The following SGCZ variants were observed in gnomAD, a reference collection of about 807,000 sequenced individuals.
The protein encoded by SGCZ is sarcoglycan zeta.
A neutral mutation model predicts 41.3 loss-of-function variants in SGCZ; 40 were observed. That is an observed-to-expected ratio of 0.97 (90% CI 0.75 to 1.26). SGCZ has a LOEUF of 1.26. Ranked by LOEUF, SGCZ falls within the 50% of genes most tolerant of loss-of-function variation. The pLI is 0.00. For missense variants in SGCZ, 552 were observed against 369.8 expected, an observed-to-expected ratio of 1.49 and a Z score of -4.04; for synonymous variants, 206 against 137.5, an observed-to-expected ratio of 1.50 and a Z score of -3.49.
intron 4 of SGCZ, among the ~76,000 whole-genome samples, chr8:14,186,799 G>C (rs534732064): frequency 6.6e-6 from 1 of 152,158 alleles, no homozygotes; most frequent in Non-Finnish European, 1.5e-5. Context: ...ATTAAAAGGA[G>C]ACCAAAACTT....
intron 7 of SGCZ, among the ~76,000 whole-genome samples, chr8:14,094,813 TTAA>T (rs1254694530): frequency 6.6e-6 from 1 of 152,158 alleles, no homozygotes; most frequent in Non-Finnish European, 1.5e-5. Context: ...TCCTGACTTT[TTAA>T]TGATCACCAT....
chr8:14,205,167 CTTTA>C (rs1805578877), intron 4 of SGCZ, among the ~76,000 whole-genome samples: 2 of 15,066 alleles, frequency 1.3e-4, no homozygotes, highest in African/African-American at 2.3e-4. Context: ...GTATCCTAGA[CTTTA>C]TTTTTTTTTT....
chr8:15,189,097 A>C (rs764056397), intron 1 of SGCZ, among the ~76,000 whole-genome samples: 6 of 152,186 alleles, frequency 3.9e-5, no homozygotes, highest in Non-Finnish European at 8.8e-5. Context: ...GAGATTCAGG[A>C]AGATGGCCAT....
intron 3 of SGCZ, among the ~76,000 whole-genome samples, chr8:14,318,914 G>A (rs1047827677): frequency 6.7e-6 from 1 of 150,336 alleles, no homozygotes; most frequent in Non-Finnish European, 1.5e-5. Flanking sequence ...GTAGACCAAA[G>A]GAAAATTCTG....
At chr8:14,523,053 G>A (rs1382365373) in intron 2 of SGCZ, among the ~76,000 whole-genome samples, 1 of 151,884 alleles carries the variant, frequency 6.6e-6, no homozygotes, top group East Asian at 1.9e-4. Flanking sequence ...TTATCAGTTT[G>A]AATGAAGTGT....
chr8:14,225,102 T>C (rs550134540), intron 4 of SGCZ, among the ~76,000 whole-genome samples: 1 of 152,286 alleles, frequency 6.6e-6, no homozygotes, highest in South Asian at 2.1e-4. Flanking sequence ...ATGGAGTATA[T>C]GTAGTTTGTA....
intron 7 of SGCZ, among the ~76,000 whole-genome samples, chr8:14,100,773 A>G (rs2116978061): frequency 6.6e-6 from 1 of 151,964 alleles, no homozygotes; most frequent in South Asian, 2.1e-4. Context: ...TGAGATAAAA[A>G]AGGAATATTC....
intron 4 of SGCZ, among the ~76,000 whole-genome samples, chr8:14,234,350 A>C (rs1806680865): frequency 6.6e-6 from 1 of 152,062 alleles, no homozygotes; most frequent in South Asian, 2.1e-4. Context: ...AGCTAGGCTT[A>C]CAGAGAAAGA....
At chr8:14,537,907 C>T (rs1295702078) in intron 2 of SGCZ, among the ~76,000 whole-genome samples, 8 of 151,632 alleles carry the variant, frequency 5.3e-5, no homozygotes, top group South Asian at 2.1e-4. Flanking sequence ...AGAAAGAGAC[C>T]CTCTATCTCC....
chr8:14,560,193 G>C (rs1314645307), intron 1 of SGCZ, among the ~76,000 whole-genome samples: 1 of 152,010 alleles, frequency 6.6e-6, no homozygotes, highest in African/African-American at 2.4e-5. Flanking sequence ...TTTCAAAAGA[G>C]CTAGGAGAGA....
chr8:14,317,596 A>T (rs1052183719), intron 3 of SGCZ, among the ~76,000 whole-genome samples: 2 of 152,004 alleles, frequency 1.3e-5, no homozygotes, highest in African/African-American at 2.4e-5. Flanking sequence ...TAAAAACATT[A>T]AATGACTAAC....
At chr8:14,482,173 C>T (rs1801552596) in intron 2 of SGCZ, among the ~76,000 whole-genome samples, 2 of 152,160 alleles carry the variant, frequency 1.3e-5, no homozygotes, top group African/African-American at 4.8e-5. Flanking sequence ...GAGCATCCAT[C>T]CCTGGTTCTA....
At chr8:14,694,734 C>A (rs1449928357) in intron 1 of SGCZ, among the ~76,000 whole-genome samples, 1 of 152,112 alleles carries the variant, frequency 6.6e-6, no homozygotes, top group East Asian at 1.9e-4. Context: ...ATTATGGTTA[C>A]TTAAAAGAAA....
chr8:14,547,759 G>T (rs1260297634), intron 2 of SGCZ, among the ~76,000 whole-genome samples: 1 of 152,134 alleles, frequency 6.6e-6, no homozygotes, highest in Non-Finnish European at 1.5e-5. Context: ...CTGCTAAGAA[G>T]CTAGTCTTGG....
chr8:14,260,393 T>A (rs533195707), intron 3 of SGCZ, among the ~76,000 whole-genome samples: 101 of 144,792 alleles, frequency 7.0e-4, no homozygotes, highest in African/African-American at 1.9e-3. Flanking sequence ...AAAACCACAA[T>A]GAGATACCAT....
At chr8:14,912,974 TTTAG>T (rs1456958913) in intron 1 of SGCZ, among the ~76,000 whole-genome samples, 3 of 152,058 alleles carry the variant, frequency 2.0e-5, no homozygotes, top group African/African-American at 7.2e-5. Context: ...CTTGTTTGGT[TTTAG>T]TTAGTAATTA....
At chr8:14,880,601 C>T (rs1261333610) in intron 1 of SGCZ, among the ~76,000 whole-genome samples, 1 of 152,148 alleles carries the variant, frequency 6.6e-6, no homozygotes, top group African/African-American at 2.4e-5. Flanking sequence ...GGCACATATA[C>T]ACCATGTGAT....
At chr8:14,876,566 C>T (rs146180631) in intron 1 of SGCZ, among the ~76,000 whole-genome samples, 3,453 of 152,232 alleles carry the variant, frequency 0.023, 47 homozygotes, top group Middle Eastern at 0.044. Flanking sequence ...ACACTTTAAA[C>T]GGGTAAATTT....
At chr8:14,760,682 A>G (rs997264892) in intron 1 of SGCZ, among the ~76,000 whole-genome samples, 4 of 152,194 alleles carry the variant, frequency 2.6e-5, no homozygotes, top group Non-Finnish European at 4.4e-5. Flanking sequence ...ACTCTCCTAT[A>G]TTCTGTGAAA....
Sources: allele counts gnomAD v4.1 joint callset (sites outside exome capture counted in the v4.1 genomes callset), GRCh38; gene constraint gnomAD v4.1.1; transcripts MANE v1.5; gene names NCBI Gene and HGNC (gene_info 2026-07-23, HGNC 2026-07-21).